LIPA: variants seen among roughly 807,000 people sequenced by gnomAD.
LIPA encodes lipase A, lysosomal acid type, also known as lysosomal acid lipase/cholesteryl ester hydrolase.
Under a neutral mutation model 40.6 loss-of-function variants are expected in LIPA, and 26 were observed. That is an observed-to-expected ratio of 0.64 (90% CI 0.47 to 0.89). LIPA has a LOEUF of 0.89. LIPA is among the 40% of genes least tolerant of loss of function. The pLI is 0.00. For synonymous variants in LIPA, 188 were observed against 168.4 expected (o/e 1.12, Z -0.90); for missense variants, 455 against 479.6 (o/e 0.95, Z 0.48).
chr10:89,282,085 A>G (rs894426254), intron 1 of LIPA, among the ~76,000 whole-genome samples: 3 of 152,190 alleles, frequency 2.0e-5, no homozygotes, highest in African/African-American at 7.2e-5. Flanking sequence ...AAGGCACAGA[A>G]CTACTGTGAC....
chr10:89,241,398 C>G (rs1842963189), intron 3 of LIPA, among the ~76,000 whole-genome samples: 1 of 152,182 alleles, frequency 6.6e-6, no homozygotes, highest in Admixed American at 6.5e-5. Context: ...TGTTCGGCAC[C>G]ACCAGGGGTG....
At chr10:89,231,112 A>T (rs1842836624) in intron 3 of LIPA, among the ~76,000 whole-genome samples, 2 of 152,260 alleles carry the variant, frequency 1.3e-5, no homozygotes, top group South Asian at 4.1e-4. Context: ...GCAAAGGAAA[A>T]AAAAGCAAAA....
chr10:89,354,742 A>AT (rs1363854864), intron 2 of LIPA, among the ~76,000 whole-genome samples: 7 of 151,958 alleles, frequency 4.6e-5, no homozygotes, highest in African/African-American at 1.7e-4. Flanking sequence ...TAATTTTTGT[A>AT]TTTTTAGTAG....
rs552119756 is a variant in LIPA at position 89,362,756 on chromosome 10, G to A, written c.61+50035C>T. The A allele has an allele frequency of 3.2e-5, 23 of 720,984 alleles. No homozygotes were observed. In the African/African-American group the frequency reaches 3.3e-4, roughly 10 times the overall value. The allele number at this position is 720,984 out of a possible 1,614,324, so 44.7% of individuals were successfully genotyped here. ...ACTGTGAGGAAGGATGGGCCTTGGC[G>A]AAGTGTGGAGGAAAGAATTATGAAC... is the stretch of plus-strand genomic sequence containing the variant. On this transcript the variant is annotated intron_variant, in intron 2 of 8. Transcript: ENST00000371837.
At chr10:89,302,846 C>T (rs1328451965) in intron 1 of LIPA, among the ~76,000 whole-genome samples, 1 of 152,000 alleles carries the variant, frequency 6.6e-6, no homozygotes, top group Non-Finnish European at 1.5e-5. Flanking sequence ...GTGGGGTGGC[C>T]GGACCTGGTT....
Position 89,384,185 on chromosome 10 carries a change from T to G in LIPA, c.61+28606A>C, listed in dbSNP as rs772057450. ...ACTTCTGCCTTCCTGCATCACCAAA[T>G]GGGGCTTTGCTACAGGGCACAAATG... On this transcript the variant is annotated intron_variant, in intron 2 of 8. Transcript: ENST00000371837. 9.9e-6 allele frequency: 16 copies of G among 1,614,096 alleles called. No individual in the cohort carries two copies. The South Asian group carries it at 1.8e-4, about 18-fold the overall frequency.
intron 2 of LIPA, among the ~76,000 whole-genome samples, chr10:89,383,074 T>G (rs1415155202): frequency 6.6e-6 from 1 of 152,232 alleles, no homozygotes; most frequent in Non-Finnish European, 1.5e-5. Context: ...TAACCTCTTT[T>G]GAATTGACTT....
chr10:89,286,441 C>T (rs1382085288), intron 1 of LIPA, among the ~76,000 whole-genome samples: 2 of 152,146 alleles, frequency 1.3e-5, no homozygotes, highest in African/African-American at 4.8e-5. Flanking sequence ...GTCCAGCTTC[C>T]AGTTTCGTTC....
chr10:89,331,814 G>A (rs1417897944), intron 1 of LIPA, among the ~76,000 whole-genome samples: 7 of 145,214 alleles, frequency 4.8e-5, no homozygotes, highest in African/African-American at 7.8e-5. Flanking sequence ...AGCTGAGATC[G>A]TGCTACTGCA....
At chr10:89,393,240 G>GGA in intron 2 of LIPA, 1 of 1,289,782 alleles carries the variant, frequency 7.8e-7, no homozygotes, top group Non-Finnish European at 1.0e-6. Flanking sequence ...ATAGGCTTCT[G>GGA]GTCTCACTTT....
intron 3 of LIPA, among the ~76,000 whole-genome samples, chr10:89,244,200 C>A (rs1458150876): frequency 6.6e-6 from 1 of 151,954 alleles, no homozygotes; most frequent in Non-Finnish European, 1.5e-5. Context: ...TTGTCGTGGC[C>A]ACCTAAACAT....
intron 2 of LIPA, among the ~76,000 whole-genome samples, chr10:89,363,881 G>C (rs1030624836): frequency 6.6e-6 from 1 of 151,954 alleles, no homozygotes; most frequent in Non-Finnish European, 1.5e-5. Flanking sequence ...TGGCTAACAG[G>C]CAAGTTCATT....
chr10:89,307,087 T>C (rs768098655), intron 1 of LIPA: 93 of 1,613,964 alleles, frequency 5.8e-5, no homozygotes, highest in Non-Finnish European at 3.4e-6. Context: ...ATCTGCGGTA[T>C]GGCAACTTTC....
chr10:89,276,579 A>T (rs1277481084), intron 1 of LIPA, among the ~76,000 whole-genome samples: 2 of 152,240 alleles, frequency 1.3e-5, no homozygotes, highest in African/African-American at 4.8e-5. Flanking sequence ...GTAGAGCCTT[A>T]GATGATCAAA....
chr10:89,235,470 C>T (rs1210384217), intron 3 of LIPA, among the ~76,000 whole-genome samples: 2 of 152,226 alleles, frequency 1.3e-5, no homozygotes, highest in African/African-American at 4.8e-5. Flanking sequence ...AAAGAAGCAG[C>T]CCAGTGGCAG....
At chr10:89,369,800 GTA>G (rs1223988219) in intron 2 of LIPA, among the ~76,000 whole-genome samples, 1 of 152,200 alleles carries the variant, frequency 6.6e-6, no homozygotes, top group African/African-American at 2.4e-5. Context: ...AGATTCATCA[GTA>G]TATATGGATG....
At chr10:89,263,104 G>A (rs907487455) in intron 1 of LIPA, among the ~76,000 whole-genome samples, 1 of 152,164 alleles carries the variant, frequency 6.6e-6, no homozygotes, top group Middle Eastern at 3.4e-3. Context: ...AGGGTATCAG[G>A]GCCAGTTTGG....
At chr10:89,344,501 T>C (rs1343504220), upstream of LIPA, among the ~76,000 whole-genome samples, 1 of 152,202 alleles carries the variant, frequency 6.6e-6, no homozygotes, top group Non-Finnish European at 1.5e-5. Context: ...TGCCTGTTTT[T>C]GGCTTTGGCC....
intron 2 of LIPA, chr10:89,402,291 G>A (rs1844437872): frequency 6.2e-7 from 1 of 1,607,318 alleles, no homozygotes; most frequent in Non-Finnish European, 8.5e-7. Flanking sequence ...TACAAATGGT[G>A]ATGATCATCA....
Sources: allele counts gnomAD v4.1 joint callset (sites outside exome capture counted in the v4.1 genomes callset), GRCh38; gene constraint gnomAD v4.1.1; transcripts MANE v1.5; gene names NCBI Gene and HGNC (gene_info 2026-07-23, HGNC 2026-07-21).